Variants in PCDH11X observed in about 807,000 individuals in gnomAD.
PCDH11X encodes the protein protocadherin 11 X-linked, also known as protocadherin-11 X-linked.
A neutral mutation model predicts 53.3 loss-of-function variants in PCDH11X; 18 were observed. The ratio of observed to expected loss-of-function variants is 0.34; its 90% CI spans 0.23 to 0.50. PCDH11X has a LOEUF of 0.50. Among genes scored for constraint, PCDH11X ranks in the 20% least tolerant of loss-of-function variants. PCDH11X has a pLI of 0.98. For synonymous variants in PCDH11X, 279 were observed against 393.3 expected (o/e 0.71, Z 3.44); for missense variants, 570 against 1,032.4 (o/e 0.55, Z 6.14).
At chrX:92,157,781 A>AT (rs1410322774) in intron 6 of PCDH11X, among the ~76,000 whole-genome samples, 1 of 112,038 alleles carries the variant, frequency 8.9e-6, no homozygotes, top group African/African-American at 3.2e-5. Context: ...TTCTTTTAGA[A>AT]TTTTTTGTGT....
chrX:92,381,909 G>A (rs1334340110), intron 8 of PCDH11X, among the ~76,000 whole-genome samples: 1 of 110,413 alleles, frequency 9.1e-6, no homozygotes, highest in African/African-American at 3.3e-5. Context: ...ATGATTATTT[G>A]GATCATATGT....
rs866792543 is a variant in PCDH11X at position 91,950,905 on chromosome X, G to A, written c.3033+71632G>A. On this transcript the variant is annotated intron_variant, in intron 6 of 10. Coordinates refer to ENST00000682573, the MANE Select transcript of PCDH11X (RefSeq NM_032968.5). ...TTGGTTTTTACATCTTGAAAAATGG[G>A]ATATTTTATGTTAAAACAACCTCGC... Among the ~76,000 whole-genome samples the A allele has an allele frequency of 5.2e-4, 56 of 108,659 alleles. No individual in the cohort carries two copies. The Middle Eastern group carries it at 0.014, about 27-fold the overall frequency. The allele number at this position is 108,659 out of a possible 115,157, so 94.4% of individuals were successfully genotyped here.
chrX:92,327,656 T>C (rs2069369385), intron 8 of PCDH11X, among the ~76,000 whole-genome samples: 1 of 109,605 alleles, frequency 9.1e-6, no homozygotes, highest in East Asian at 2.9e-4. Flanking sequence ...TCTCTAACTG[T>C]CCATACCATA....
rs419587 is a variant in PCDH11X at position 92,235,119 on chromosome X, G to C, written c.3115-27995G>C. On this transcript the variant is annotated intron_variant, in intron 7 of 10. Coordinates refer to ENST00000682573, the MANE Select transcript of PCDH11X (RefSeq NM_032968.5). ...GCTGCAGAAGGATAGAAGTTATTAA[G>C]ATAAAATTACATACGAATATGATAA... Among the ~76,000 whole-genome samples, 405 of 109,853 alleles carry C rather than the reference G, an allele frequency of 3.7e-3. 4 individuals carry two copies. Among genetic ancestry groups the C allele is most frequent in the African/African-American group, 0.013 (382 of 30,427 alleles).
At chrX:92,310,371 A>G (rs1255953305) in intron 8 of PCDH11X, among the ~76,000 whole-genome samples, 2 of 111,585 alleles carry the variant, frequency 1.8e-5, no homozygotes, top group Non-Finnish European at 3.8e-5. Context: ...TGTTAACATC[A>G]TGTTTTTTCT....
rs1290713383 is a variant in PCDH11X, at chrX:92,489,932, T to C, written c.3367+21610T>C. 2.9e-5 allele frequency among the ~76,000 whole-genome samples: 3 copies of C among 101,959 alleles called. No individual in the cohort carries two copies. In the Admixed American group the frequency reaches 3.3e-4, roughly 11 times the overall value. 88.5% of individuals were successfully genotyped at this position (101,959 alleles called of 115,157 possible). On this transcript the variant is annotated intron_variant, in intron 10 of 10. Coordinates refer to ENST00000682573, the MANE Select transcript of PCDH11X (RefSeq NM_032968.5). The stretch of plus-strand genomic sequence containing the variant: ...ATGTTATTTTTAACATCTATAATTA[T>C]ATAATAATAATAACACTAAGAACAA...
intron 8 of PCDH11X, among the ~76,000 whole-genome samples, chrX:92,306,075 A>C (rs953224861): frequency 8.9e-6 from 1 of 112,000 alleles, no homozygotes; most frequent in African/African-American, 3.2e-5. Context: ...TATCCTTTTC[A>C]ATCACAATTG....
rs775535219 is a variant in PCDH11X, at chrX:92,410,678, G to A, written c.3343+22745G>A. Among the ~76,000 whole-genome samples the A allele has an allele frequency of 2.9e-5, 3 of 103,643 alleles. No homozygotes were observed. In the Admixed American group the frequency reaches 3.1e-4, roughly 11 times the overall value. 90.0% of individuals were successfully genotyped at this position (103,643 alleles called of 115,157 possible). Reference sequence around the variant, plus strand: ...AAGGATTTATAAGGCTGTAAATCCAGAAACTCAAGCATAATATTTATTATT... The same window carrying A: ...AAGGATTTATAAGGCTGTAAATCCAAAAACTCAAGCATAATATTTATTATT... On this transcript the variant is annotated intron_variant, in intron 9 of 10. Transcript: ENST00000682573.
chrX:92,175,354 A>G lies in PCDH11X; in HGVS notation c.3034-26021A>G, dbSNP rs2065888903. On this transcript the variant is annotated intron_variant, in intron 6 of 10. Coordinates refer to ENST00000682573, the MANE Select transcript of PCDH11X (RefSeq NM_032968.5). ...TAGATCTTGTACATCGGCAGCTTCC[A>G]TGAAAATCTGCCACAGCCTATAATA... Among the ~76,000 whole-genome samples the G allele has an allele frequency of 2.7e-5, 3 of 111,784 alleles. No individual in the cohort carries two copies. In the South Asian group the frequency reaches 1.1e-3, roughly 42 times the overall value.
chrX:92,312,743 T>G (rs1350796850), intron 8 of PCDH11X, among the ~76,000 whole-genome samples: 2 of 112,025 alleles, frequency 1.8e-5, no homozygotes, highest in Non-Finnish European at 3.8e-5. Context: ...GAATGCTGTT[T>G]GAAAAGTGTC....
intron 9 of PCDH11X, among the ~76,000 whole-genome samples, chrX:92,467,968 A>G (rs1194100953): frequency 3.6e-5 from 4 of 111,663 alleles, no homozygotes; most frequent in Non-Finnish European, 7.6e-5. Flanking sequence ...GTACTTAGCC[A>G]TCACAGGCGA....
intron 6 of PCDH11X, among the ~76,000 whole-genome samples, chrX:91,941,938 C>T (rs1435422791): frequency 3.6e-5 from 4 of 110,100 alleles, no homozygotes; most frequent in Admixed American, 9.7e-5. Flanking sequence ...AACTAAATAG[C>T]ACATTTTTAA....
chrX:91,958,014 T>A (rs753980618), intron 6 of PCDH11X, among the ~76,000 whole-genome samples: 123 of 110,093 alleles, frequency 1.1e-3, no homozygotes, highest in African/African-American at 3.7e-3. Flanking sequence ...AAACAATGGA[T>A]CAGCGTCCCA....
intron 5 of PCDH11X, among the ~76,000 whole-genome samples, chrX:91,838,052 G>T (rs754196082): frequency 2.1e-3 from 229 of 111,570 alleles, no homozygotes; most frequent in African/African-American, 7.1e-3. Flanking sequence ...TAGCAATAGG[G>T]TCTCTTCAAC....
chrX:91,878,478 A>G lies in PCDH11X; in HGVS notation c.2238A>G (p.Leu746=). 1 of 1,209,734 alleles carries G rather than the reference A, an allele frequency of 8.3e-7. No homozygotes were observed. The highest frequency in any genetic ancestry group is 1.1e-6 in the Non-Finnish European group (1 of 894,604). The part of the protein sequence containing the change: ...MEKCDVTDLG[L]HRVLVKANDL... ...AATGTGATGTTACAGACCTTGGTTT[A>G]CACAGAGTGTTGGTCAAAGCTAATG... Residue 746 remains leucine (L), a synonymous_variant, in exon 6 of 11, where the codon TTA becomes TTG. Coordinates refer to ENST00000682573, the MANE Select transcript of PCDH11X (RefSeq NM_032968.5).
chrX:92,144,994 T>A (rs2065246968), intron 6 of PCDH11X, among the ~76,000 whole-genome samples: 1 of 111,510 alleles, frequency 9.0e-6, no homozygotes, highest in African/African-American at 3.3e-5. Context: ...GTTATTCTTC[T>A]AAGTATACTG....
rs1332173669 is a variant in PCDH11X, at chrX:92,293,082, A to C, written c.3144+29939A>C. Among the ~76,000 whole-genome samples, 4 of 105,402 alleles carry C rather than the reference A, an allele frequency of 3.8e-5. No individual in the cohort carries two copies. The East Asian group carries it at 1.2e-3, about 32-fold the overall frequency. The allele number at this position is 105,402 out of a possible 115,157, so 91.5% of individuals were successfully genotyped here. On this transcript the variant is annotated intron_variant, in intron 8 of 10. Coordinates refer to ENST00000682573, the MANE Select transcript of PCDH11X (RefSeq NM_032968.5). ...CTGTGACCGTGTACTAGGAAGATTT[A>C]ATTACATGAAAATGTCTTCTACAGA...
intron 8 of PCDH11X, among the ~76,000 whole-genome samples, chrX:92,360,540 A>C (rs2148538956): frequency 9.1e-6 from 1 of 109,969 alleles, no homozygotes; most frequent in South Asian, 3.8e-4. Flanking sequence ...ATTGCAGGGA[A>C]AATATTGGAG....
intron 10 of PCDH11X, among the ~76,000 whole-genome samples, chrX:92,575,993 TATATATATATATATATATACAC>T (rs1207955986): frequency 1.2e-4 from 5 of 42,026 alleles, no homozygotes; most frequent in Admixed American, 2.6e-4. Flanking sequence ...TATATATATA[TATATATATATATATATATACAC>T]ACACACACAC....
Sources: gnomAD v4.1 joint callset for allele counts (sites outside exome capture counted in the v4.1 genomes callset) on GRCh38, gnomAD v4.1.1 for gene constraint, MANE v1.5 for transcripts, NCBI Gene and HGNC (gene_info 2026-07-23, HGNC 2026-07-21) for gene names.